Variants in MLPH observed in about 807,000 individuals in gnomAD.
MLPH encodes the protein melanophilin.
MLPH carries 51 observed loss-of-function variants against 72.1 expected under a neutral mutation model. The observed-to-expected ratio is 0.71, with a 90% CI of 0.56 to 0.89. The LOEUF (loss-of-function observed/expected upper bound fraction) is 0.89. Among genes scored for constraint, MLPH ranks in the 40% least tolerant of loss-of-function variants. MLPH has a pLI of 0.00. For synonymous variants in MLPH, 301 were observed against 310.1 expected, an observed-to-expected ratio of 0.97 and a Z score of 0.31; for missense variants, 743 against 759.9, an observed-to-expected ratio of 0.98 and a Z score of 0.26.
At chr2:237,488,472 T>C (rs1202890502) in intron 1 of MLPH, among the ~76,000 whole-genome samples, 1 of 152,160 alleles carries the variant, frequency 6.6e-6, no homozygotes, top group Non-Finnish European at 1.5e-5. Context: ...CACCTGCTCA[T>C]TGGCGGGATT....
chr2:237,495,492 A>G (rs2079516643), intron 2 of MLPH, among the ~76,000 whole-genome samples: 1 of 152,234 alleles, frequency 6.6e-6, no homozygotes, highest in South Asian at 2.1e-4. Context: ...TGTTGAGGAG[A>G]CAAAGCACCA....
intron 12 of MLPH, chr2:237,545,367 C>A: frequency 9.3e-7 from 1 of 1,080,778 alleles, no homozygotes; most frequent in Non-Finnish European, 1.2e-6. Flanking sequence ...CCGTGAACAT[C>A]CGGCCTGAGT....
chr2:237,554,522 G>C lies in MLPH; in HGVS notation c.*930G>C, dbSNP rs537616900. On this transcript the variant is annotated 3_prime_UTR_variant, in exon 16 of 16. Coordinates refer to ENST00000264605, the MANE Select transcript of MLPH (RefSeq NM_024101.7). The stretch of plus-strand genomic sequence containing the variant: ...GGACTCAGAGTTATTTCCTAGTATC[G>C]GTGTGCCCCATCCAGTTTTAAGTGG... 1 of 153,168 alleles carries C rather than the reference G, an allele frequency of 6.5e-6. No homozygotes were observed. Among genetic ancestry groups the C allele is most frequent in the African/African-American group, 2.4e-5 (1 of 41,394 alleles). The allele number at this position is 153,168 out of a possible 1,614,324, so 9.5% of individuals were successfully genotyped here.
At chr2:237,546,289 T>G (rs568014358) in intron 12 of MLPH, 3 of 406,320 alleles carry the variant, frequency 7.4e-6, no homozygotes, top group African/African-American at 6.2e-5. Context: ...GTGAATAGAA[T>G]GGGAGGCAGC....
intron 15 of MLPH, chr2:237,552,980 C>A (rs1001468482): frequency 2.5e-6 from 1 of 394,624 alleles, no homozygotes; most frequent in Non-Finnish European, 5.2e-6. Flanking sequence ...AGAAAGTGCA[C>A]TCCACAGAGT....
intron 8 of MLPH, among the ~76,000 whole-genome samples, chr2:237,531,468 G>A (rs1267152155): frequency 6.6e-6 from 1 of 152,234 alleles, no homozygotes; most frequent in Non-Finnish European, 1.5e-5. Flanking sequence ...ACAGGATGAA[G>A]AGGAGAATCA....
chr2:237,551,671 G>A (rs373011733), intron 14 of MLPH, among the ~76,000 whole-genome samples: 7 of 152,292 alleles, frequency 4.6e-5, no homozygotes, highest in Middle Eastern at 3.4e-3. Flanking sequence ...GGCTGTTGCC[G>A]TGTCTCACAA....
At chr2:237,528,242 A>C (rs1214922365) in intron 8 of MLPH, among the ~76,000 whole-genome samples, 1 of 152,256 alleles carries the variant, frequency 6.6e-6, no homozygotes, top group African/African-American at 2.4e-5. Flanking sequence ...TAATACCTTA[A>C]AAATGGATAA....
intron 9 of MLPH, among the ~76,000 whole-genome samples, chr2:237,539,696 G>C (rs1332328477): frequency 2.0e-5 from 3 of 152,164 alleles, no homozygotes; most frequent in African/African-American, 7.2e-5. Flanking sequence ...TTATTGAACT[G>C]AGTTCTTATA....
chr2:237,517,747 G>GTGTAGGTGAATGAGTGGGTA (rs1574860747), intron 4 of MLPH, among the ~76,000 whole-genome samples: 4 of 150,126 alleles, frequency 2.7e-5, no homozygotes, highest in African/African-American at 4.9e-5. Context: ...ATGGATGGAT[G>GTGTAGGTGAATGAGTGGGTA]GATGGATGGA....
chr2:237,536,217 C>G (rs998053853), intron 9 of MLPH, among the ~76,000 whole-genome samples: 1 of 152,104 alleles, frequency 6.6e-6, no homozygotes, highest in African/African-American at 2.4e-5. Context: ...CAAGGGCTAC[C>G]CCTGCACAGG....
intron 6 of MLPH, among the ~76,000 whole-genome samples, chr2:237,524,451 G>C (rs2106336052): frequency 6.6e-6 from 1 of 152,048 alleles, no homozygotes; most frequent in African/African-American, 2.4e-5. Flanking sequence ...TCGAGGGCAG[G>C]AAACATCCAG....
chr2:237,555,138 T>A lies in MLPH; in HGVS notation c.*1546T>A, dbSNP rs191925668. 2 of 152,002 alleles carry A rather than the reference T, an allele frequency of 1.3e-5. No homozygotes were observed. Among genetic ancestry groups the A allele is most frequent in the African/African-American group, 4.8e-5 (2 of 41,360 alleles). 9.4% of individuals were successfully genotyped at this position (152,002 alleles called of 1,614,324 possible). A position where few individuals can be genotyped will look rare whatever the true frequency, so the allele number is the denominator to read the frequency against. On this transcript the variant is annotated 3_prime_UTR_variant, in exon 16 of 16. Transcript: ENST00000264605. ...AAACAAAAAAATTACCCAAGCATGA[T>A]GGTATATGCCTGTAGTCGTACCTAC... is the stretch of plus-strand genomic sequence containing the variant.
At chr2:237,498,105 G>T (rs996538235) in intron 2 of MLPH, among the ~76,000 whole-genome samples, 12 of 152,174 alleles carry the variant, frequency 7.9e-5, no homozygotes, top group Admixed American at 7.2e-4. Flanking sequence ...ACACACCATC[G>T]TTTCTTGGAA....
intron 5 of MLPH, among the ~76,000 whole-genome samples, chr2:237,519,632 G>A (rs2080134194): frequency 6.6e-6 from 1 of 152,198 alleles, no homozygotes; most frequent in Admixed American, 6.5e-5. Flanking sequence ...CAAGTGCAGG[G>A]GTTCAGCTCA....
At chr2:237,533,194 A>C (rs2080457934) in intron 8 of MLPH, among the ~76,000 whole-genome samples, 1 of 152,058 alleles carries the variant, frequency 6.6e-6, no homozygotes, top group Admixed American at 6.5e-5. Flanking sequence ...TAGACTCTTC[A>C]CCCTCTCCTG....
At chr2:237,545,888 A>G (rs2080908633) in intron 12 of MLPH, 1 of 201,206 alleles carries the variant, frequency 5.0e-6, no homozygotes, top group African/African-American at 2.4e-5. Flanking sequence ...GATCTTGTGA[A>G]CACAAAATAT....
chr2:237,510,502 C>A lies in MLPH; in HGVS notation c.111-72C>A. The A allele has an allele frequency of 7.7e-7, 1 of 1,291,890 alleles. No individual in the cohort carries two copies. Among genetic ancestry groups the A allele is most frequent in the Non-Finnish European group, 1.1e-6 (1 of 902,182 alleles). 80.0% of individuals were successfully genotyped at this position (1,291,890 alleles called of 1,614,324 possible). A position where few individuals can be genotyped will look rare whatever the true frequency, so the allele number is the denominator to read the frequency against. The stretch of plus-strand genomic sequence containing the variant: ...CTGTGTCTGTGTGTGTGTGTATGTA[C>A]GTGTACACACTTAAAGCCTGTTGCA... On this transcript the variant is annotated intron_variant, in intron 2 of 15. Coordinates refer to ENST00000264605, the MANE Select transcript of MLPH (RefSeq NM_024101.7). The surrounding 1 kb of genome is among the most constrained non-coding windows in gnomAD (Gnocchi z 4.4).
At chr2:237,500,365 A>C (rs13413065) in intron 2 of MLPH, among the ~76,000 whole-genome samples, 38,875 of 152,134 alleles carry the variant, frequency 0.26, 8,853 homozygotes, top group African/African-American at 0.6. Flanking sequence ...TATCTGCATG[A>C]CCCATGTGGC....
Sources: allele counts gnomAD v4.1 joint callset (sites outside exome capture counted in the v4.1 genomes callset), GRCh38; gene constraint gnomAD v4.1.1; non-coding constraint Gnocchi (gnomAD v3.1); transcripts MANE v1.5; gene names NCBI Gene and HGNC (gene_info 2026-07-23, HGNC 2026-07-21).